The following EPB41L3 variants were observed in gnomAD, a reference collection of about 807,000 sequenced individuals.
EPB41L3 encodes the protein band 4.1-like protein 3.
In EPB41L3, 57 loss-of-function variants were observed where a neutral mutation model predicts 127.1. The ratio of observed to expected loss-of-function variants is 0.45; its 90% CI spans 0.36 to 0.56. EPB41L3 has a LOEUF of 0.56. Ranked by LOEUF, EPB41L3 falls within the 20% of genes least tolerant of loss-of-function variation. The pLI is 0.00. For missense variants in EPB41L3, 1,273 were observed against 1,372.2 expected (o/e 0.93, Z 1.14); for synonymous variants, 572 against 549.5 (o/e 1.04, Z -0.57).
intron 3 of EPB41L3, among the ~76,000 whole-genome samples, chr18:5,611,266 GACAA>G (rs2094722159): frequency 6.6e-6 from 1 of 152,180 alleles, no homozygotes; most frequent in Non-Finnish European, 1.5e-5. Context: ...TGGATGAATG[GACAA>G]ACAAAATGTG....
At chr18:5,482,932 T>C (rs6506307) in intron 2 of EPB41L3, among the ~76,000 whole-genome samples, 148,694 of 152,232 alleles carry the variant, frequency 0.98, 72,697 homozygotes, top group East Asian at 1. Flanking sequence ...GTATCAAACC[T>C]AGTGGTAAAA....
At chr18:5,394,489 C>G (rs1312966496) in intron 22 of EPB41L3, 188 bp downstream of exon 22, 1 of 543,436 alleles carries the variant, frequency 1.8e-6, no homozygotes, top group Non-Finnish European at 3.3e-6. Flanking sequence ...CATGCAAAAA[C>G]TCCACAAGAA....
chr18:5,441,743 C>T (rs1057076403), intron 5 of EPB41L3, among the ~76,000 whole-genome samples: 3 of 152,026 alleles, frequency 2.0e-5, no homozygotes, highest in Non-Finnish European at 4.4e-5. Flanking sequence ...GGATTACAGG[C>T]GTGAGCCACC....
chr18:5,619,834 C>T (rs1052274393), intron 1 of EPB41L3, among the ~76,000 whole-genome samples: 51 of 151,902 alleles, frequency 3.4e-4, no homozygotes, highest in African/African-American at 1.2e-3. Context: ...CATGATGATG[C>T]GTAAAAGGAA....
chr18:5,558,388 C>A (rs2094071836), intron 3 of EPB41L3, among the ~76,000 whole-genome samples: 1 of 152,246 alleles, frequency 6.6e-6, no homozygotes, highest in South Asian at 2.1e-4. Flanking sequence ...ATCCCAATTC[C>A]CAGAGGAACA....
intron 3 of EPB41L3, among the ~76,000 whole-genome samples, chr18:5,469,173 C>T (rs552107140): frequency 6.6e-6 from 1 of 152,260 alleles, no homozygotes; most frequent in East Asian, 1.9e-4. Context: ...CCCTATTCCT[C>T]GCCACACTGG....
rs374299530 is a variant in EPB41L3 at position 5,609,080 on chromosome 18, G to A, written c.-306+3260C>T. ...AATAACAGATTGCAACAACAAATGTGTTTGCTCCAAGCAAGTGAAATCCTG... is the reference window on the plus strand; with the variant it reads ...AATAACAGATTGCAACAACAAATGTATTTGCTCCAAGCAAGTGAAATCCTG... On this transcript the variant is annotated intron_variant, in intron 3 of 21. Coordinates refer to the EPB41L3 transcript ENST00000545076. Among the ~76,000 whole-genome samples, 151 of 152,302 alleles carry A rather than the reference G, an allele frequency of 9.9e-4. 1 individual carries two copies. The highest frequency in any genetic ancestry group is 1.4e-3 in the Non-Finnish European group (98 of 68,012).
At chr18:5,469,020 C>T (rs1310394767) in intron 3 of EPB41L3, among the ~76,000 whole-genome samples, 1 of 152,218 alleles carries the variant, frequency 6.6e-6, no homozygotes, top group Non-Finnish European at 1.5e-5. Context: ...GCTGTACTGT[C>T]ACTCAATAAA....
At chr18:5,474,585 C>A (rs1189135696) in intron 3 of EPB41L3, among the ~76,000 whole-genome samples, 1 of 151,880 alleles carries the variant, frequency 6.6e-6, no homozygotes, top group Non-Finnish European at 1.5e-5. Flanking sequence ...TGAAGGCATT[C>A]AATATGCCAT....
intron 3 of EPB41L3, among the ~76,000 whole-genome samples, chr18:5,457,747 C>T (rs952402646): frequency 1.3e-5 from 2 of 152,074 alleles, no homozygotes; most frequent in African/African-American, 4.8e-5. Context: ...AGGCTCTCTC[C>T]TGCAAAGAGG....
chr18:5,488,374 T>G (rs2090124819), intron 2 of EPB41L3, among the ~76,000 whole-genome samples: 2 of 149,194 alleles, frequency 1.3e-5, no homozygotes, highest in African/African-American at 2.5e-5. Flanking sequence ...TGAGAACACA[T>G]GGACGTAGGG....
chr18:5,605,542 C>CT (rs372794411), intron 3 of EPB41L3, among the ~76,000 whole-genome samples: 155 of 152,180 alleles, frequency 1.0e-3, no homozygotes, highest in African/African-American at 3.6e-3. Flanking sequence ...CCACACCTGG[C>CT]TGATGTTTAT....
intron 3 of EPB41L3, among the ~76,000 whole-genome samples, chr18:5,463,231 G>A (rs1185746168): frequency 6.6e-6 from 1 of 152,140 alleles, no homozygotes; most frequent in African/African-American, 2.4e-5. Context: ...TTAGCCAACA[G>A]AAGAACATTT....
intron 9 of EPB41L3, among the ~76,000 whole-genome samples, chr18:5,427,724 T>G (rs1045128847): frequency 2.0e-5 from 3 of 152,092 alleles, no homozygotes; most frequent in South Asian, 4.1e-4. Flanking sequence ...GCTTGAAATA[T>G]ACACAAAATT....
chr18:5,448,835 ATTTCTG>A (rs1289703709), intron 3 of EPB41L3, among the ~76,000 whole-genome samples: 2 of 152,174 alleles, frequency 1.3e-5, no homozygotes, highest in Non-Finnish European at 2.9e-5. Context: ...GACAAATTGC[ATTTCTG>A]TTTCTGATAG....
intron 8 of EPB41L3, among the ~76,000 whole-genome samples, chr18:5,428,866 C>A (rs1469731085): frequency 6.6e-6 from 1 of 152,152 alleles, no homozygotes; most frequent in African/African-American, 2.4e-5. Context: ...TTATTATTCC[C>A]ATTTTACAGA....
intron 3 of EPB41L3, among the ~76,000 whole-genome samples, chr18:5,576,366 G>T (rs1257120267): frequency 6.6e-6 from 1 of 152,180 alleles, no homozygotes; most frequent in Non-Finnish European, 1.5e-5. Context: ...AAGGGGTTGG[G>T]TTCCTGTCCA....
chr18:5,449,500 G>A (rs1171494391), intron 3 of EPB41L3, among the ~76,000 whole-genome samples: 1 of 152,128 alleles, frequency 6.6e-6, no homozygotes, highest in Admixed American at 6.5e-5. Context: ...AGTTGAAAAC[G>A]TATGTCCACT....
intron 2 of EPB41L3, 80 bp downstream of exon 2, chr18:5,488,921 G>T: frequency 6.9e-7 from 1 of 1,440,116 alleles, no homozygotes; most frequent in South Asian, 1.4e-5. Flanking sequence ...GCTGCCTCTA[G>T]GGCTAAGAGA....
Sources: gnomAD v4.1 joint callset for allele counts (sites outside exome capture counted in the v4.1 genomes callset) on GRCh38, gnomAD v4.1.1 for gene constraint, MANE v1.5 for transcripts, NCBI Gene and HGNC (gene_info 2026-07-23, HGNC 2026-07-21) for gene names.